Variants in MAP3K21 observed in about 807,000 individuals in gnomAD.
MAP3K21 encodes mitogen-activated protein kinase kinase kinase 21, also known as mitogen-activated protein kinase kinase kinase MLK4.
Under a neutral mutation model 86.1 loss-of-function variants are expected in MAP3K21, and 63 were observed. The observed-to-expected ratio is 0.73, with a 90% CI of 0.60 to 0.90. The LOEUF is 0.90. Ranked by LOEUF, MAP3K21 falls within the 40% of genes least tolerant of loss-of-function variation. The pLI, the probability that MAP3K21 is intolerant of heterozygous loss-of-function variation, is 0.00. For synonymous variants in MAP3K21, 558 were observed against 564.8 expected (o/e 0.99, Z 0.17); for missense variants, 1,220 against 1,367.7 (o/e 0.89, Z 1.70).
chr1:233,346,661 T>G, intron 2 of MAP3K21, 39 bp downstream of exon 2: 1 of 1,567,548 alleles, frequency 6.4e-7, no homozygotes, highest in Non-Finnish European at 8.7e-7. Context: ...AGAAACTGCT[T>G]GCTATGCTTT....
intron 2 of MAP3K21, among the ~76,000 whole-genome samples, chr1:233,347,085 A>G (rs2102763915): frequency 6.6e-6 from 1 of 151,978 alleles, no homozygotes; most frequent in East Asian, 1.9e-4. Context: ...TAGGAGGGAG[A>G]GTGTCCACTA....
chr1:233,375,772 G>T, intron 6 of MAP3K21, 144 bp from the exon 7 acceptor site: 1 of 602,796 alleles, frequency 1.7e-6, no homozygotes, highest in Non-Finnish European at 2.8e-6. Context: ...CCAGAGATTG[G>T]GTGAAATAAA....
rs1304687404 is a variant in MAP3K21, at chr1:233,382,942, CAA to C, written c.*232_*233del. On this transcript the variant is annotated 3_prime_UTR_variant, in exon 10 of 10. Transcript: ENST00000366624. ...ACTTGGAATACACAAAAGTGTAAAACAAGAGATGTGCACCAATGAAAACTATG... is the reference window on the plus strand; with the variant it reads ...ACTTGGAATACACAAAAGTGTAAAACGAGATGTGCACCAATGAAAACTATG... 2 of 442,236 alleles carry C rather than the reference CAA, an allele frequency of 4.5e-6. No homozygotes were observed. Among genetic ancestry groups the C allele is most frequent in the African/African-American group, 2.0e-5 (1 of 50,852 alleles). 27.4% of individuals were successfully genotyped at this position (442,236 alleles called of 1,614,324 possible).
At chr1:233,335,764 TA>T (rs1010398124) in intron 1 of MAP3K21, among the ~76,000 whole-genome samples, 1 of 152,198 alleles carries the variant, frequency 6.6e-6, no homozygotes, top group Non-Finnish European at 1.5e-5. Context: ...TGATACATTT[TA>T]AAAATGTTTA....
At chr1:233,361,307 T>C (rs928372100) in intron 4 of MAP3K21, among the ~76,000 whole-genome samples, 1 of 152,228 alleles carries the variant, frequency 6.6e-6, no homozygotes, top group African/African-American at 2.4e-5. Context: ...TTAATCAGTA[T>C]CATAAGAGAG....
At chr1:233,365,094 A>G (rs943677123) in intron 5 of MAP3K21, among the ~76,000 whole-genome samples, 1 of 152,212 alleles carries the variant, frequency 6.6e-6, no homozygotes, top group Non-Finnish European at 1.5e-5. Context: ...TTAGTATAGA[A>G]GAGAAAGCAA....
chr1:233,382,804 T>C lies in MAP3K21; in HGVS notation c.*93T>C. ...TGAACTGTTTCATGCTGCTGTGTTT[T>C]CAAAAGCTGTGGCCATGTTCCTAAA... On this transcript the variant is annotated 3_prime_UTR_variant, in exon 10 of 10. Transcript: ENST00000366624. 1 of 1,154,848 alleles carries C rather than the reference T, an allele frequency of 8.7e-7. No individual in the cohort carries two copies. The highest frequency in any genetic ancestry group is 2.5e-5 in the Admixed American group (1 of 40,744). The allele number at this position is 1,154,848 out of a possible 1,614,324, so 71.5% of individuals were successfully genotyped here.
chr1:233,375,438 CA>C (rs1663774470), intron 6 of MAP3K21, among the ~76,000 whole-genome samples: 1 of 151,838 alleles, frequency 6.6e-6, no homozygotes. Context: ...TTGTGATGAC[CA>C]AAAAATAAAG....
chr1:233,366,858 C>T (rs1454843177), intron 5 of MAP3K21, among the ~76,000 whole-genome samples: 3 of 151,372 alleles, frequency 2.0e-5, no homozygotes, highest in African/African-American at 7.3e-5. Context: ...TTTTTTTTTC[C>T]TCCTGGAATT....
At chr1:233,382,251 G>A in intron 9 of MAP3K21, 54 bp from the exon 10 acceptor site, 2 of 1,438,966 alleles carry the variant, frequency 1.4e-6, no homozygotes, top group Non-Finnish European at 1.9e-6. Flanking sequence ...GATATTCATT[G>A]TTTTAGAACT....
At chr1:233,360,255 A>G (rs1002445282) in intron 4 of MAP3K21, among the ~76,000 whole-genome samples, 6 of 152,240 alleles carry the variant, frequency 3.9e-5, no homozygotes, top group Admixed American at 3.9e-4. Flanking sequence ...ATTTGGACAA[A>G]CTAGTTGAAC....
At chr1:233,366,068 T>C (rs184415652) in intron 5 of MAP3K21, among the ~76,000 whole-genome samples, 1 of 152,290 alleles carries the variant, frequency 6.6e-6, no homozygotes, top group Admixed American at 6.5e-5. Flanking sequence ...GATGACATTA[T>C]GTTAAGTGAA....
In MAP3K21 at chr1:233,382,846, A is replaced by C; in HGVS notation, c.*135A>C. The C allele has an allele frequency of 1.4e-6, 1 of 716,994 alleles. No individual in the cohort carries two copies. Among genetic ancestry groups the C allele is most frequent in the Non-Finnish European group, 2.2e-6 (1 of 446,992 alleles). The allele number at this position is 716,994 out of a possible 1,614,324, so 44.4% of individuals were successfully genotyped here. On this transcript the variant is annotated 3_prime_UTR_variant, in exon 10 of 10. Transcript: ENST00000366624. ...GTTCCTAAATTAGTAAGATATATCC[A>C]GCTTCTCAAAAAATGTATATGATTG... is the stretch of plus-strand genomic sequence containing the variant.
intron 8 of MAP3K21, 60 bp downstream of exon 8, chr1:233,376,587 A>C (rs1032665156): frequency 1.6e-6 from 2 of 1,236,132 alleles, no homozygotes; most frequent in East Asian, 2.3e-5. Context: ...GATTGTGCTG[A>C]AGCTTTGCTT....
rs1346466434 is a variant in MAP3K21, at chr1:233,328,486, C to T, written c.458C>T (p.Ala153Val). Residue 153 changes from alanine to valine, a missense_variant, in exon 1 of 10, where the codon GCG becomes GTG. Physicochemically the swap from Ala to Val is moderately conservative, Grantham distance 64. This residue lies in a region of MAP3K21 where 369 missense variants were observed against 385.3 expected (regional missense o/e 0.96). Coordinates refer to ENST00000366624, the MANE Select transcript of MAP3K21 (RefSeq NM_032435.3). This position sits in a 1 kb window ranked among gnomAD's most constrained non-coding sequence, Gnocchi z 8.7. Reference protein sequence around the residue: ...WQGQEVAVKAARQDPEQDAAA... With the variant: ...WQGQEVAVKAVRQDPEQDAAA... Reference sequence around the variant, plus strand: ...GGCCAGGAGGTGGCCGTGAAGGCGGCGCGCCAGGACCCGGAGCAGGACGCG... The same window carrying T: ...GGCCAGGAGGTGGCCGTGAAGGCGGTGCGCCAGGACCCGGAGCAGGACGCG... The T allele has an allele frequency of 6.6e-7, 1 of 1,508,770 alleles. No individual in the cohort carries two copies. Among genetic ancestry groups the T allele is most frequent in the Non-Finnish European group, 8.8e-7 (1 of 1,139,180 alleles). 93.5% of individuals were successfully genotyped at this position (1,508,770 alleles called of 1,614,324 possible).
chr1:233,381,118 G>A (rs567654743), intron 9 of MAP3K21, among the ~76,000 whole-genome samples: 5 of 152,176 alleles, frequency 3.3e-5, no homozygotes, highest in Admixed American at 1.3e-4. Flanking sequence ...GGGAAATTAC[G>A]TAGACTGCTT....
intron 2 of MAP3K21, among the ~76,000 whole-genome samples, chr1:233,348,666 G>T (rs1200870954): frequency 6.6e-6 from 1 of 152,016 alleles, no homozygotes; most frequent in Non-Finnish European, 1.5e-5. Context: ...CTTGTCATCT[G>T]ACCTTTTGAT....
intron 4 of MAP3K21, among the ~76,000 whole-genome samples, chr1:233,357,811 C>T (rs192570257): frequency 2.2e-3 from 329 of 152,306 alleles, no homozygotes; most frequent in Middle Eastern, 0.01. Context: ...TCCAGAGTTA[C>T]GCAGTAGGAC....
At chr1:233,349,846 AGAATCACTT>A (rs1663215778) in intron 2 of MAP3K21, among the ~76,000 whole-genome samples, 1 of 152,044 alleles carries the variant, frequency 6.6e-6, no homozygotes, top group Non-Finnish European at 1.5e-5. Context: ...CTGAGGCTGG[AGAATCACTT>A]GAACCCTGGA....
Sources: allele counts gnomAD v4.1 joint callset (sites outside exome capture counted in the v4.1 genomes callset), GRCh38; gene constraint gnomAD v4.1.1; regional missense constraint gnomAD v4.1.1; non-coding constraint Gnocchi (gnomAD v3.1); transcripts MANE v1.5; gene names NCBI Gene and HGNC (gene_info 2026-07-23, HGNC 2026-07-21).